The following CNTN5 variants were observed in gnomAD, a reference collection of about 807,000 sequenced individuals.
The protein encoded by CNTN5 is contactin 5.
A neutral mutation model predicts 129.1 loss-of-function variants in CNTN5; 77 were observed. That is an observed-to-expected ratio of 0.60 (90% CI 0.50 to 0.72). The LOEUF (loss-of-function observed/expected upper bound fraction) is 0.72, where lower values mean the gene tolerates loss of function less well. Ranked by LOEUF, CNTN5 falls within the 30% of genes least tolerant of loss-of-function variation. The pLI is 0.00. For missense variants in CNTN5, 1,478 were observed against 1,328.8 expected (o/e 1.11, Z -1.75); for synonymous variants, 509 against 465.6 (o/e 1.09, Z -1.20).
intron 1 of CNTN5, among the ~76,000 whole-genome samples, chr11:99,256,673 AG>A (rs1862391431): frequency 6.6e-6 from 1 of 152,042 alleles, no homozygotes; most frequent in African/African-American, 2.4e-5. Context: ...CCTGTAAGCA[AG>A]GGACTCTTTT....
At chr11:99,608,946 T>C (rs931508148) in intron 3 of CNTN5, among the ~76,000 whole-genome samples, 3 of 152,180 alleles carry the variant, frequency 2.0e-5, no homozygotes, top group African/African-American at 7.2e-5. Flanking sequence ...TCTGCTCTAT[T>C]AAAATTAATT....
At chr11:99,971,382 A>G (rs761085652) in intron 8 of CNTN5, among the ~76,000 whole-genome samples, 14 of 151,878 alleles carry the variant, frequency 9.2e-5, no homozygotes, top group African/African-American at 1.2e-4. Flanking sequence ...ATCTCTACTA[A>G]AAATACAAAA....
At chr11:99,029,347 G>A (rs10790407) in intron 1 of CNTN5, among the ~76,000 whole-genome samples, 49,574 of 151,526 alleles carry the variant, frequency 0.33, 9,362 homozygotes, top group East Asian at 0.56. Context: ...TTTCTTGAAT[G>A]TATACTTCTA....
chr11:99,754,873 C>A (rs953402434), intron 3 of CNTN5, among the ~76,000 whole-genome samples: 5 of 152,198 alleles, frequency 3.3e-5, no homozygotes, highest in African/African-American at 1.2e-4. Flanking sequence ...TAGTATCATG[C>A]AGAGTAGTTT....
At chr11:99,845,586 A>G (rs1295001701) in intron 6 of CNTN5, among the ~76,000 whole-genome samples, 2 of 151,644 alleles carry the variant, frequency 1.3e-5, no homozygotes, top group African/African-American at 2.4e-5. Context: ...TTCAGCCGGG[A>G]TGGTGTCGAT....
chr11:100,094,762 A>C (rs1018379424), intron 13 of CNTN5, among the ~76,000 whole-genome samples: 2 of 136,104 alleles, frequency 1.5e-5, no homozygotes, highest in African/African-American at 2.9e-5. Context: ...GGAGGGAGGG[A>C]GGAAAGGAAG....
chr11:99,861,978 T>G (rs1425947356), intron 6 of CNTN5, among the ~76,000 whole-genome samples: 1 of 152,178 alleles, frequency 6.6e-6, no homozygotes, highest in Non-Finnish European at 1.5e-5. Flanking sequence ...TAATTCAAAC[T>G]TTATTATCTG....
intron 9 of CNTN5, among the ~76,000 whole-genome samples, chr11:100,003,357 G>T (rs1439497921): frequency 1.3e-5 from 2 of 152,124 alleles, no homozygotes; most frequent in Non-Finnish European, 2.9e-5. Context: ...TTGAATAATA[G>T]TTAAAAGTCT....
intron 2 of CNTN5, among the ~76,000 whole-genome samples, chr11:99,331,966 G>T (rs140355606): frequency 6.6e-6 from 1 of 152,034 alleles, no homozygotes; most frequent in Non-Finnish European, 1.5e-5. Context: ...GTGGAATAGA[G>T]TCATCCCAGA....
rs150389892 is a variant in CNTN5 at position 99,900,299 on chromosome 11, T to C, written c.578-15755T>C. 8.3e-3 allele frequency among the ~76,000 whole-genome samples: 1,267 copies of C among 152,094 alleles called. 14 individuals are homozygous for C. Among genetic ancestry groups the C allele is most frequent in the Non-Finnish European group, 0.012 (836 of 67,942 alleles). ...AGTTCTTTGAGATGCACCACTAGGT[T>C]TCTAATTAAAAATCTTATATTTTTT... On this transcript the variant is annotated intron_variant, in intron 6 of 24. Transcript: ENST00000524871.
chr11:100,170,761 T>C (rs1047373191), intron 13 of CNTN5, among the ~76,000 whole-genome samples: 6 of 151,604 alleles, frequency 4.0e-5, no homozygotes, highest in Admixed American at 3.3e-4. Flanking sequence ...CTGAGACTGA[T>C]CTTGATGAGA....
chr11:99,657,472 T>A (rs1591434897), intron 3 of CNTN5, among the ~76,000 whole-genome samples: 1 of 152,108 alleles, frequency 6.6e-6, no homozygotes, highest in Non-Finnish European at 1.5e-5. Flanking sequence ...CTGTACACGG[T>A]GACACAAATT....
At chr11:99,852,018 A>G (rs765322148) in intron 6 of CNTN5, among the ~76,000 whole-genome samples, 6 of 152,344 alleles carry the variant, frequency 3.9e-5, no homozygotes, top group African/African-American at 1.2e-4. Context: ...GGCTTAGCCT[A>G]TAATAACTTT....
At chr11:100,284,459 A>G (rs987260778) in intron 18 of CNTN5, among the ~76,000 whole-genome samples, 1 of 152,242 alleles carries the variant, frequency 6.6e-6, no homozygotes. Context: ...AAACCAATAT[A>G]TAAATTTGGG....
intron 3 of CNTN5, among the ~76,000 whole-genome samples, chr11:99,602,498 C>A (rs1332761809): frequency 6.6e-6 from 1 of 152,022 alleles, no homozygotes; most frequent in Non-Finnish European, 1.5e-5. Context: ...TGATCAGGCA[C>A]ATTTCTGGCT....
chr11:100,312,641 A>G (rs1465845459), intron 21 of CNTN5, among the ~76,000 whole-genome samples: 3 of 152,102 alleles, frequency 2.0e-5, no homozygotes, highest in Non-Finnish European at 4.4e-5. Flanking sequence ...TATTGAAACA[A>G]GGGCATTTGT....
chr11:99,429,267 CTT>C (rs1325376588), intron 2 of CNTN5, among the ~76,000 whole-genome samples: 2 of 152,102 alleles, frequency 1.3e-5, no homozygotes, highest in African/African-American at 4.8e-5. Context: ...AATTAGAGCT[CTT>C]TTATATATTT....
rs565828803 is a variant in CNTN5, at chr11:100,148,689, G to A, written c.1581-42437G>A. On this transcript the variant is annotated intron_variant, in intron 13 of 24. Coordinates refer to ENST00000524871, the MANE Select transcript of CNTN5 (RefSeq NM_014361.4). Reference sequence around the variant, plus strand: ...CAACAAATAACAGGACCAATGGAAAGTATGAAAAATTACAGGTCAGATAGA... The same window carrying A: ...CAACAAATAACAGGACCAATGGAAAATATGAAAAATTACAGGTCAGATAGA... 2.0e-5 allele frequency among the ~76,000 whole-genome samples: 3 copies of A among 146,378 alleles called. No homozygotes were observed. The Admixed American group carries it at 2.1e-4, about 10-fold the overall frequency.
chr11:100,137,416 G>T (rs1202110940), intron 13 of CNTN5, among the ~76,000 whole-genome samples: 1 of 152,024 alleles, frequency 6.6e-6, no homozygotes, highest in African/African-American at 2.4e-5. Flanking sequence ...CTATGGGCCA[G>T]GTGCTATGCT....
Sources: allele counts gnomAD v4.1 joint callset (sites outside exome capture counted in the v4.1 genomes callset), GRCh38; gene constraint gnomAD v4.1.1; transcripts MANE v1.5; gene names NCBI Gene and HGNC (gene_info 2026-07-23, HGNC 2026-07-21).